Variants in SEMA3E observed in about 807,000 individuals in gnomAD.
SEMA3E encodes semaphorin 3E.
Under a neutral mutation model 93.6 loss-of-function variants are expected in SEMA3E, and 49 were observed. The ratio of observed to expected loss-of-function variants is 0.52; its 90% CI spans 0.42 to 0.66. The LOEUF is 0.66. Ranked by LOEUF, SEMA3E falls within the 30% of genes least tolerant of loss-of-function variation. The pLI, the probability that SEMA3E is intolerant of heterozygous loss-of-function variation, is 0.00. For synonymous variants in SEMA3E, 363 were observed against 330.7 expected (o/e 1.10, Z -1.06); for missense variants, 906 against 964.8 (o/e 0.94, Z 0.81).
intron 14 of SEMA3E, among the ~76,000 whole-genome samples, chr7:83,391,586 C>T (rs927405071): frequency 7.6e-6 from 1 of 130,972 alleles, no homozygotes. Flanking sequence ...ATTTTACTAT[C>T]CACTTATTAT....
chr7:83,600,486 ATTTTTTTTTTTT>A (rs71522671), intron 1 of SEMA3E, among the ~76,000 whole-genome samples: 20 of 63,076 alleles, frequency 3.2e-4, no homozygotes, highest in South Asian at 6.4e-4. Context: ...CGCCCAGCTA[ATTTTTTTTTTTT>A]TTTTTTTTTT....
chr7:83,465,765 G>A (rs749711075), intron 4 of SEMA3E, among the ~76,000 whole-genome samples: 5 of 152,082 alleles, frequency 3.3e-5, no homozygotes, highest in Non-Finnish European at 7.4e-5. Context: ...TATGCTTCAG[G>A]GTAAAATTGT....
intron 1 of SEMA3E, among the ~76,000 whole-genome samples, chr7:83,498,784 T>A (rs539096985): frequency 6.6e-6 from 1 of 152,122 alleles, no homozygotes; most frequent in Non-Finnish European, 1.5e-5. Flanking sequence ...CAGCCTTTTA[T>A]AAGAGAATAA....
rs548988190 is a variant in SEMA3E at position 83,574,684 on chromosome 7, T to A, written c.115+73744A>T. On this transcript the variant is annotated intron_variant, in intron 1 of 16. Transcript: ENST00000643230. ...TTCTTTCTGTGATTATAATCCTTAG[T>A]GACCACTAAGTGAACAAGACTGTGC... 1.2e-3 allele frequency among the ~76,000 whole-genome samples: 184 copies of A among 152,302 alleles called. 2 individuals are homozygous for A. The highest frequency in any genetic ancestry group is 8.2e-4 in the Non-Finnish European group (56 of 68,026).
chr7:83,555,609 A>G (rs2115817688), intron 1 of SEMA3E, among the ~76,000 whole-genome samples: 1 of 152,286 alleles, frequency 6.6e-6, no homozygotes, highest in East Asian at 1.9e-4. Flanking sequence ...CGATTTGCCC[A>G]TCTCTTGTTA....
chr7:83,368,956 G>A (rs1267156288), intron 16 of SEMA3E, among the ~76,000 whole-genome samples: 1 of 152,120 alleles, frequency 6.6e-6, no homozygotes, highest in Admixed American at 6.6e-5. Context: ...AGTTTTCTTT[G>A]TAAAGTGGAG....
At chr7:83,418,866 T>A (rs556994420) in intron 4 of SEMA3E, among the ~76,000 whole-genome samples, 21 of 146,434 alleles carry the variant, frequency 1.4e-4, no homozygotes, top group Non-Finnish European at 3.0e-4. Flanking sequence ...ATCAAGCATA[T>A]CAAGAATGCT....
intron 16 of SEMA3E, chr7:83,372,085 T>C (rs956052839): frequency 1.5e-5 from 6 of 391,308 alleles, no homozygotes; most frequent in Non-Finnish European, 2.3e-5. Flanking sequence ...TAGTGTAAAA[T>C]GAGAACATAC....
chr7:83,466,982 A>G (rs181598388), intron 3 of SEMA3E, among the ~76,000 whole-genome samples: 1 of 152,304 alleles, frequency 6.6e-6, no homozygotes, highest in African/African-American at 2.4e-5. Context: ...AGTACAGTAT[A>G]AACAATGAAT....
intron 16 of SEMA3E, 115 bp from the exon 17 acceptor site, chr7:83,368,153 C>G (rs1794700686): frequency 1.1e-6 from 1 of 888,208 alleles, no homozygotes; most frequent in African/African-American, 1.7e-5. Context: ...CATAATGAAA[C>G]CCTGAAAATC....
intron 1 of SEMA3E, among the ~76,000 whole-genome samples, chr7:83,492,925 G>A (rs973506617): frequency 5.9e-5 from 9 of 151,840 alleles, no homozygotes; most frequent in African/African-American, 1.4e-4. Flanking sequence ...TAACAGGTGC[G>A]TATATTATAA....
chr7:83,514,816 C>A (rs907598001), intron 1 of SEMA3E, among the ~76,000 whole-genome samples: 1 of 152,006 alleles, frequency 6.6e-6, no homozygotes, highest in African/African-American at 2.4e-5. Flanking sequence ...ATTGCTTTCA[C>A]CTGCATCCAT....
chr7:83,470,334 AT>A (rs1789865357), intron 2 of SEMA3E, among the ~76,000 whole-genome samples: 3 of 118,204 alleles, frequency 2.5e-5, no homozygotes, highest in African/African-American at 8.1e-5. Context: ...TTTGGAAGAA[AT>A]TTTTTACTTT....
chr7:83,402,727 G>C lies in SEMA3E; in HGVS notation c.1048C>G (p.Arg350Gly). Residue 350 changes from arginine (R) to glycine (G), a missense_variant, in exon 10 of 17, where the codon CGG becomes GGG. Arg to Gly is a moderately radical substitution (Grantham distance 125). Transcript: ENST00000643230. ...AICVYHMSSI[R>G]AAFNGPYAHK... ...GCATATGGTCCGTTGAAGGCTGCCC[G>C]AATGCTAGACATGTGATAGACACAT... 4 of 1,612,736 alleles carry C rather than the reference G, an allele frequency of 2.5e-6. No individual in the cohort carries two copies. The highest frequency in any genetic ancestry group is 3.4e-6 in the Non-Finnish European group (4 of 1,179,112).
rs761099258 is a variant in SEMA3E, at chr7:83,407,143, T to G, written c.767A>C (p.Glu256Ala). 1 of 1,613,710 alleles carries G rather than the reference T, an allele frequency of 6.2e-7. No individual in the cohort carries two copies. The highest frequency in any genetic ancestry group is 8.5e-7 in the Non-Finnish European group (1 of 1,179,832). The change falls in exon 7 of 17, where the codon GAA becomes GCA. Residue 256 changes from glutamate (E) to alanine (A), a missense_variant. Physicochemically the swap from Glu to Ala is moderately radical, Grantham distance 107 (BLOSUM62 -1). Coordinates refer to ENST00000643230, the MANE Select transcript of SEMA3E (RefSeq NM_012431.3). ...GGTGTAAATTGCGTGAGCATTGTTT[T>G]CTGCCTCCAGTGCCTTCTCAGTAAA... ...FFFTEKALEA[E>A]NNAHAIYTRV...
At chr7:83,513,228 C>G (rs1234745004) in intron 1 of SEMA3E, among the ~76,000 whole-genome samples, 1 of 152,138 alleles carries the variant, frequency 6.6e-6, no homozygotes, top group Non-Finnish European at 1.5e-5. Context: ...CTCAATGAAG[C>G]AGTGGTAGTC....
intron 1 of SEMA3E, among the ~76,000 whole-genome samples, chr7:83,589,564 A>G (rs1792711092): frequency 6.6e-6 from 1 of 152,182 alleles, no homozygotes; most frequent in African/African-American, 2.4e-5. Flanking sequence ...TTTAAACCAC[A>G]TATAAAACTT....
At chr7:83,390,353 C>T (rs1041017697) in intron 14 of SEMA3E, among the ~76,000 whole-genome samples, 3 of 151,496 alleles carry the variant, frequency 2.0e-5, no homozygotes, top group Admixed American at 6.6e-5. Flanking sequence ...CTCAAAATTG[C>T]GTATTATTCT....
intron 1 of SEMA3E, among the ~76,000 whole-genome samples, chr7:83,635,213 T>G (rs1169662662): frequency 6.6e-6 from 1 of 151,674 alleles, no homozygotes; most frequent in Non-Finnish European, 1.5e-5. Flanking sequence ...TTGCTTAGGA[T>G]CAGGAAAAAT....
Sources: allele counts gnomAD v4.1 joint callset (sites outside exome capture counted in the v4.1 genomes callset), GRCh38; gene constraint gnomAD v4.1.1; transcripts MANE v1.5; gene names NCBI Gene and HGNC (gene_info 2026-07-23, HGNC 2026-07-21).